TMC5: variants seen among roughly 807,000 people sequenced by gnomAD.
The protein encoded by TMC5 is transmembrane channel-like protein 5.
Under a neutral mutation model 110.5 loss-of-function variants are expected in TMC5, and 86 were observed. The observed-to-expected ratio is 0.78, with a 90% CI of 0.65 to 0.93. TMC5 has a LOEUF of 0.93. Ranked by LOEUF, TMC5 falls within the 40% of genes least tolerant of loss-of-function variation. The pLI is 0.00. For missense variants in TMC5, 1,144 were observed against 1,222.8 expected, an observed-to-expected ratio of 0.94 and a Z score of 0.96; for synonymous variants, 455 against 439.5, an observed-to-expected ratio of 1.04 and a Z score of -0.44.
intron 1 of TMC5, among the ~76,000 whole-genome samples, chr16:19,427,761 A>T (rs1967115019): frequency 6.6e-6 from 1 of 151,854 alleles, no homozygotes; most frequent in Non-Finnish European, 1.5e-5. Context: ...AGTTGTGACA[A>T]ACCAAAATGT....
chr16:19,434,299 T>TGAA (rs1967278618), intron 2 of TMC5, among the ~76,000 whole-genome samples: 1 of 94,378 alleles, frequency 1.1e-5, no homozygotes, highest in South Asian at 3.5e-4. Context: ...ATATATTATA[T>TGAA]GATCTATATT....
At chr16:19,493,463 C>CTCTCTG (rs748855852) in intron 19 of TMC5, among the ~76,000 whole-genome samples, 10 of 58,016 alleles carry the variant, frequency 1.7e-4, no homozygotes, top group East Asian at 8.5e-4. Context: ...CTCTCTCTCT[C>CTCTCTG]TCTTTTTTTT....
chr16:19,417,192 G>T (rs970851088), upstream of TMC5, among the ~76,000 whole-genome samples: 1 of 151,784 alleles, frequency 6.6e-6, no homozygotes, highest in African/African-American at 2.4e-5. Context: ...ACCGAGATGG[G>T]TGGATCACTT....
At chr16:19,456,724 C>A (rs762163716) in intron 5 of TMC5, 1 of 1,609,758 alleles carries the variant, frequency 6.2e-7, no homozygotes. Context: ...CCGATGACCA[C>A]GTGAATGAAA....
At chr16:19,492,519 C>G (rs1465396517) in intron 19 of TMC5, among the ~76,000 whole-genome samples, 9 of 152,010 alleles carry the variant, frequency 5.9e-5, no homozygotes, top group Non-Finnish European at 1.3e-4. Context: ...AATCTCGGCT[C>G]ACGGCAACTT....
intron 11 of TMC5, among the ~76,000 whole-genome samples, chr16:19,473,731 A>G (rs1407249930): frequency 6.6e-6 from 1 of 151,976 alleles, no homozygotes; most frequent in Non-Finnish European, 1.5e-5. Context: ...TGTAATCCCA[A>G]CACCTTGGGA....
At chr16:19,434,406 CA>C in intron 2 of TMC5, among the ~76,000 whole-genome samples, 1 of 121,440 alleles carries the variant, frequency 8.2e-6, no homozygotes, top group African/African-American at 3.3e-5. Context: ...ATATATATAT[CA>C]TATATATCTA....
chr16:19,460,631 C>T (rs1408137707), intron 6 of TMC5, among the ~76,000 whole-genome samples: 1 of 152,010 alleles, frequency 6.6e-6, no homozygotes, highest in Non-Finnish European at 1.5e-5. Flanking sequence ...ACTGCCTTGG[C>T]CAAGACTCAA....
chr16:19,428,894 C>T (rs1266399706), intron 1 of TMC5, among the ~76,000 whole-genome samples: 3 of 152,182 alleles, frequency 2.0e-5, no homozygotes, highest in Non-Finnish European at 2.9e-5. Flanking sequence ...GGCATGATCT[C>T]GGCTTACTGC....
chr16:19,497,055 A>G, intron 20 of TMC5, 66 bp from the exon 21 acceptor site: 4 of 1,553,240 alleles, frequency 2.6e-6, no homozygotes, highest in Non-Finnish European at 3.6e-6. Context: ...TGTGCCAAAT[A>G]TGTGACAAGA....
chr16:19,428,086 G>A (rs1263220464), intron 1 of TMC5, among the ~76,000 whole-genome samples: 1 of 152,134 alleles, frequency 6.6e-6, no homozygotes. Flanking sequence ...TGCTGGGAGG[G>A]GTTTAGTCCA....
intron 15 of TMC5, among the ~76,000 whole-genome samples, chr16:19,482,323 G>T (rs563789847): frequency 6.6e-6 from 1 of 152,202 alleles, no homozygotes; most frequent in African/African-American, 2.4e-5. Context: ...GGATCCCAAA[G>T]TGTTGGGATT....
intron 8 of TMC5, among the ~76,000 whole-genome samples, chr16:19,465,460 G>A (rs577319978): frequency 6.6e-6 from 1 of 152,084 alleles, no homozygotes; most frequent in African/African-American, 2.4e-5. Flanking sequence ...GCTTGAACCC[G>A]GGAGGTTGCA....
At chr16:19,442,032 A>G (rs1967501416) in intron 3 of TMC5, among the ~76,000 whole-genome samples, 1 of 152,060 alleles carries the variant, frequency 6.6e-6, no homozygotes, top group African/African-American at 2.4e-5. Flanking sequence ...CAAACTCCCA[A>G]TCTGAGGTGA....
intron 13 of TMC5, among the ~76,000 whole-genome samples, chr16:19,478,974 C>T (rs1968551839): frequency 6.6e-6 from 1 of 152,230 alleles, no homozygotes; most frequent in East Asian, 1.9e-4. Context: ...TTCCAGTTTA[C>T]ACTAGCCTAC....
At chr16:19,494,806 CA>C (rs201071346) in intron 20 of TMC5, among the ~76,000 whole-genome samples, 2,663 of 151,216 alleles carry the variant, frequency 0.018, 90 homozygotes, top group African/African-American at 0.062. Context: ...CACTCTGTCT[CA>C]AAAAAAAGTA....
At chr16:19,435,925 G>A (rs1894381) in intron 2 of TMC5, among the ~76,000 whole-genome samples, 120,949 of 152,130 alleles carry the variant, frequency 0.8, 48,204 homozygotes, top group South Asian at 0.91. Context: ...TTATTCCACC[G>A]TTGAATGACA....
chr16:19,438,969 A>G (rs1279044437), intron 2 of TMC5, among the ~76,000 whole-genome samples: 2 of 152,244 alleles, frequency 1.3e-5, no homozygotes, highest in East Asian at 3.9e-4. Context: ...GGGAGATGAC[A>G]TAGAAAAAAT....
chr16:19,419,170 A>G (rs1173856218), intron 1 of TMC5, among the ~76,000 whole-genome samples: 1 of 152,192 alleles, frequency 6.6e-6, no homozygotes, highest in Non-Finnish European at 1.5e-5. Flanking sequence ...TGTAATCATA[A>G]AATGGGGATA....
Sources: allele counts gnomAD v4.1 joint callset (sites outside exome capture counted in the v4.1 genomes callset), GRCh38; gene constraint gnomAD v4.1.1; transcripts MANE v1.5; gene names NCBI Gene and HGNC (gene_info 2026-07-23, HGNC 2026-07-21).